Variants in CCDC73 observed in about 807,000 individuals in gnomAD.
CCDC73 encodes coiled-coil domain-containing protein 73.
In CCDC73, 95 loss-of-function variants were observed where a neutral mutation model predicts 116.5. The ratio of observed to expected loss-of-function variants is 0.82; its 90% CI spans 0.69 to 0.97. The LOEUF is 0.97. Ranked by LOEUF, CCDC73 falls within the 50% of genes least tolerant of loss-of-function variation. The pLI, the probability that CCDC73 is intolerant of heterozygous loss-of-function variation, is 0.00. For missense variants in CCDC73, 1,066 were observed against 1,206.8 expected (o/e 0.88, Z 1.73); for synonymous variants, 398 against 401.3 (o/e 0.99, Z 0.10).
intron 1 of CCDC73, among the ~76,000 whole-genome samples, chr11:32,766,705 G>C (rs1328476148): frequency 6.6e-6 from 1 of 152,160 alleles, no homozygotes; most frequent in Non-Finnish European, 1.5e-5. Context: ...AATCATGAGT[G>C]AACTCCCATT....
chr11:32,724,172 T>C (rs1363958202), intron 2 of CCDC73, among the ~76,000 whole-genome samples: 1 of 152,130 alleles, frequency 6.6e-6, no homozygotes, highest in Non-Finnish European at 1.5e-5. Flanking sequence ...ATTTACCACA[T>C]ATTATACCAT....
At chr11:32,772,491 T>C (rs1397720339) in intron 1 of CCDC73, among the ~76,000 whole-genome samples, 1 of 152,132 alleles carries the variant, frequency 6.6e-6, no homozygotes, top group African/African-American at 2.4e-5. Flanking sequence ...AATTTGAATA[T>C]TGAGTATAGT....
At chr11:32,793,222 C>G (rs951382368) in intron 1 of CCDC73, among the ~76,000 whole-genome samples, 1 of 152,184 alleles carries the variant, frequency 6.6e-6, no homozygotes, top group Non-Finnish European at 1.5e-5. Flanking sequence ...ACAACTACCC[C>G]CAAGGCAACC....
chr11:32,647,815 T>G (rs1439925371), intron 12 of CCDC73, among the ~76,000 whole-genome samples: 1 of 144,292 alleles, frequency 6.9e-6, no homozygotes, highest in African/African-American at 2.6e-5. Context: ...AGTAAACTGA[T>G]AAACTAGCTC....
chr11:32,636,568 T>A (rs12285254), intron 13 of CCDC73, among the ~76,000 whole-genome samples: 1,568 of 152,198 alleles, frequency 0.01, 26 homozygotes, highest in African/African-American at 0.036. Context: ...TTTATAAAAG[T>A]TTAAAAGTTT....
chr11:32,692,489 A>AAG (rs1349239772), intron 6 of CCDC73, among the ~76,000 whole-genome samples: 3 of 152,062 alleles, frequency 2.0e-5, no homozygotes, highest in African/African-American at 2.4e-5. Flanking sequence ...TTGGTTCTAT[A>AAG]AGAGGAATTA....
intron 6 of CCDC73, among the ~76,000 whole-genome samples, chr11:32,690,124 T>C (rs997345218): frequency 3.9e-5 from 6 of 152,162 alleles, no homozygotes; most frequent in African/African-American, 1.4e-4. Context: ...GGAGAAAATA[T>C]AAAGACTCGT....
chr11:32,701,951 G>A (rs532426778), intron 4 of CCDC73, among the ~76,000 whole-genome samples: 13 of 152,242 alleles, frequency 8.5e-5, no homozygotes, highest in African/African-American at 2.9e-4. Context: ...AGATATCTGA[G>A]TATCCTTATC....
At chr11:32,620,262 G>C (rs1192020528) in intron 14 of CCDC73, among the ~76,000 whole-genome samples, 1 of 152,086 alleles carries the variant, frequency 6.6e-6, no homozygotes, top group Non-Finnish European at 1.5e-5. Context: ...TTCTCTTCCA[G>C]GTGGTCTTTA....
chr11:32,770,528 A>T (rs986745479), intron 1 of CCDC73, among the ~76,000 whole-genome samples: 2 of 152,188 alleles, frequency 1.3e-5, no homozygotes, highest in South Asian at 4.1e-4. Flanking sequence ...AGAACAAAAC[A>T]AGGATGCTAT....
At chr11:32,625,581 T>A (rs1250384660) in intron 14 of CCDC73, among the ~76,000 whole-genome samples, 1 of 152,194 alleles carries the variant, frequency 6.6e-6, no homozygotes, top group African/African-American at 2.4e-5. Flanking sequence ...TGAAAATTCT[T>A]TTCTTTAAGA....
chr11:32,660,251 A>C (rs969554683), intron 9 of CCDC73, among the ~76,000 whole-genome samples: 5 of 150,466 alleles, frequency 3.3e-5, no homozygotes, highest in East Asian at 1.9e-4. Context: ...AAAAAAAAAA[A>C]AAAACAGGTT....
intron 14 of CCDC73, among the ~76,000 whole-genome samples, chr11:32,627,353 C>T (rs1855585133): frequency 6.6e-6 from 1 of 152,172 alleles, no homozygotes; most frequent in South Asian, 2.1e-4. Flanking sequence ...GAAATAGGAA[C>T]ACTTTTACGC....
intron 2 of CCDC73, among the ~76,000 whole-genome samples, chr11:32,759,090 A>G (rs1454366500): frequency 6.6e-6 from 1 of 151,898 alleles, no homozygotes; most frequent in Non-Finnish European, 1.5e-5. Context: ...AGTAAATTCT[A>G]TTGATTCTTC....
intron 9 of CCDC73, among the ~76,000 whole-genome samples, chr11:32,665,098 T>A (rs1855967894): frequency 1.3e-5 from 2 of 152,356 alleles, no homozygotes; most frequent in South Asian, 4.1e-4. Flanking sequence ...AATTTTGGAA[T>A]AAGTGTGATG....
intron 1 of CCDC73, among the ~76,000 whole-genome samples, chr11:32,774,641 T>C (rs1850518204): frequency 6.6e-6 from 1 of 151,966 alleles, no homozygotes; most frequent in Admixed American, 6.6e-5. Flanking sequence ...AAAGAAACAA[T>C]GTGGACAGCA....
At chr11:32,771,520 A>G (rs916599198) in intron 1 of CCDC73, among the ~76,000 whole-genome samples, 1 of 152,196 alleles carries the variant, frequency 6.6e-6, no homozygotes, top group Admixed American at 6.5e-5. Flanking sequence ...TACTGTGATT[A>G]TCATGTCCCT....
At chr11:32,624,319 G>A (rs1481069007) in intron 14 of CCDC73, among the ~76,000 whole-genome samples, 2 of 151,972 alleles carry the variant, frequency 1.3e-5, no homozygotes, top group African/African-American at 2.4e-5. Context: ...CAGCCTGAGA[G>A]CAAGACTCCA....
At chr11:32,711,529 T>A (rs1395276635) in intron 3 of CCDC73, among the ~76,000 whole-genome samples, 1 of 152,142 alleles carries the variant, frequency 6.6e-6, no homozygotes, top group African/African-American at 2.4e-5. Context: ...CCAAATATCA[T>A]ATGTTCTCAC....
Sources: gnomAD v4.1 joint callset for allele counts (sites outside exome capture counted in the v4.1 genomes callset) on GRCh38, gnomAD v4.1.1 for gene constraint, MANE v1.5 for transcripts, NCBI Gene and HGNC (gene_info 2026-07-23, HGNC 2026-07-21) for gene names.